GOLPH3L: variants seen among roughly 807,000 people sequenced by gnomAD.
GOLPH3L encodes Golgi phosphoprotein 3-like.
GOLPH3L carries 22 observed loss-of-function variants against 30.3 expected under a neutral mutation model. That is an observed-to-expected ratio of 0.73 (90% CI 0.52 to 1.04). GOLPH3L has a LOEUF of 1.04. GOLPH3L is among the 50% of genes least tolerant of loss of function. The pLI, the probability that GOLPH3L is intolerant of heterozygous loss-of-function variation, is 0.00. For synonymous variants in GOLPH3L, 120 were observed against 128.2 expected (o/e 0.94, Z 0.43); for missense variants, 303 against 345.8 (o/e 0.88, Z 0.98).
chr1:150,660,611 T>C (rs1206356505), intron 4 of GOLPH3L, among the ~76,000 whole-genome samples: 4 of 152,178 alleles, frequency 2.6e-5, no homozygotes, highest in African/African-American at 9.7e-5. Flanking sequence ...TAAACAGGAA[T>C]GAAATTTTGA....
intron 2 of GOLPH3L, among the ~76,000 whole-genome samples, chr1:150,676,546 C>A (rs1405648129): frequency 6.6e-6 from 1 of 151,818 alleles, no homozygotes; most frequent in Non-Finnish European, 1.5e-5. Context: ...CATATTCCAT[C>A]AATTGTTTAG....
At chr1:150,658,878 T>C (rs919342374) in intron 4 of GOLPH3L, among the ~76,000 whole-genome samples, 1 of 152,128 alleles carries the variant, frequency 6.6e-6, no homozygotes, top group Admixed American at 6.5e-5. Flanking sequence ...CTTAATAAGA[T>C]CCAAATTTGG....
intron 2 of GOLPH3L, among the ~76,000 whole-genome samples, chr1:150,678,128 C>T (rs1030032505): frequency 4.0e-5 from 6 of 151,072 alleles, no homozygotes; most frequent in South Asian, 4.2e-4. Context: ...GGAGAAACCC[C>T]GTCTCTACTA....
At chr1:150,684,374 G>T (rs1651035375) in intron 2 of GOLPH3L, among the ~76,000 whole-genome samples, 1 of 152,108 alleles carries the variant, frequency 6.6e-6, no homozygotes, top group Non-Finnish European at 1.5e-5. Flanking sequence ...TAGAGACAGG[G>T]TCTCACTATG....
intron 2 of GOLPH3L, among the ~76,000 whole-genome samples, chr1:150,677,007 C>T (rs1193317933): frequency 6.6e-6 from 1 of 151,058 alleles, no homozygotes; most frequent in Admixed American, 6.6e-5. Context: ...CCTCAGACTC[C>T]CAAAGTGCTG....
At chr1:150,674,185 A>G (rs2101802431) in intron 2 of GOLPH3L, among the ~76,000 whole-genome samples, 1 of 141,112 alleles carries the variant, frequency 7.1e-6, no homozygotes, top group African/African-American at 2.5e-5. Context: ...TTTTGAATAT[A>G]GAAGTTTTCA....
intron 2 of GOLPH3L, 23 bp downstream of exon 2, chr1:150,694,633 C>T (rs756949330): frequency 1.4e-6 from 2 of 1,462,306 alleles, no homozygotes. Context: ...TTTGAGATAG[C>T]CTAGCAAACC....
chr1:150,678,011 G>A (rs1348487842), intron 2 of GOLPH3L, among the ~76,000 whole-genome samples: 1 of 151,548 alleles, frequency 6.6e-6, no homozygotes, highest in Non-Finnish European at 1.5e-5. Context: ...TTTTTAAAGA[G>A]AAATGTGGCT....
chr1:150,670,515 T>C (rs1353486668), intron 2 of GOLPH3L, among the ~76,000 whole-genome samples: 1 of 151,946 alleles, frequency 6.6e-6, no homozygotes, highest in Non-Finnish European at 1.5e-5. Context: ...GAGAATGGCA[T>C]GAACCCAGGA....
At chr1:150,658,465 C>T (rs1331970390) in intron 4 of GOLPH3L, among the ~76,000 whole-genome samples, 2 of 152,172 alleles carry the variant, frequency 1.3e-5, no homozygotes, top group African/African-American at 2.4e-5. Context: ...TGCTTTCTGA[C>T]CTCAGTATTT....
chr1:150,652,173 G>C lies in GOLPH3L; in HGVS notation c.431-3425C>G, dbSNP rs1306886072. On this transcript the variant is annotated intron_variant, in intron 4 of 4. Coordinates refer to ENST00000271732, the MANE Select transcript of GOLPH3L (RefSeq NM_018178.6). ...GAATGAGTAGACTTATTCAAAGTGAGGGTAGAAACTATTAGCCAAGAATCT... is the reference window on the plus strand; with the variant it reads ...GAATGAGTAGACTTATTCAAAGTGACGGTAGAAACTATTAGCCAAGAATCT... Among the ~76,000 whole-genome samples, 5 of 151,918 alleles carry C rather than the reference G, an allele frequency of 3.3e-5. No homozygotes were observed. In the East Asian group the frequency reaches 9.6e-4, roughly 29 times the overall value.
intron 3 of GOLPH3L, among the ~76,000 whole-genome samples, chr1:150,663,005 G>A (rs1650404991): frequency 1.3e-5 from 2 of 151,828 alleles, no homozygotes; most frequent in Admixed American, 6.6e-5. Context: ...TGACCCATAT[G>A]AGTCCCTCTC....
chr1:150,655,149 A>C (rs1650212579), intron 4 of GOLPH3L, among the ~76,000 whole-genome samples: 1 of 152,220 alleles, frequency 6.6e-6, no homozygotes, highest in African/African-American at 2.4e-5. Flanking sequence ...CTGTGAAATA[A>C]CTATTCAGGG....
intron 3 of GOLPH3L, 27 bp from the exon 4 acceptor site, chr1:150,661,955 C>T (rs1481887248): frequency 1.1e-6 from 1 of 946,812 alleles, no homozygotes; most frequent in African/African-American, 1.6e-5. Flanking sequence ...AAGAAGGAAC[C>T]CTGATTCCTT....
chr1:150,658,518 A>C (rs754108463), intron 4 of GOLPH3L, among the ~76,000 whole-genome samples: 2 of 152,236 alleles, frequency 1.3e-5, no homozygotes, highest in Admixed American at 6.5e-5. Flanking sequence ...TACCACCCTC[A>C]GAAACCTATG....
At position 150,663,737 on chromosome 1, in the gene GOLPH3L, G is replaced by C. The variant is rs142661978; in HGVS notation, c.210C>G (p.Cys70Trp). The C allele has an allele frequency of 3.5e-5, 56 of 1,613,164 alleles. No homozygotes were observed. In the African/African-American group the frequency reaches 6.5e-4, roughly 19 times the overall value. ...KEGYTSFWND[C>W]ISSGLRGGIL... ...TGCCCCCTCGCAGGCCTGATGATAT[G>C]CAGTCATTCCAGAAAGATGTGTACC... The change falls in exon 3 of 5, where the codon TGC (cysteine) becomes TGG (tryptophan). Residue 70 changes from cysteine (C) to tryptophan (W), a missense_variant. Physicochemically the swap from Cys to Trp is radical, Grantham distance 215. Transcript: ENST00000271732.
At chr1:150,674,381 C>T (rs1487208182) in intron 2 of GOLPH3L, among the ~76,000 whole-genome samples, 2 of 151,930 alleles carry the variant, frequency 1.3e-5, no homozygotes, top group Non-Finnish European at 1.5e-5. Context: ...CTGCCTCGGC[C>T]TCCCGAGTAG....
Position 150,692,737 on chromosome 1 carries a change from C to A in GOLPH3L, c.183+1919G>T, listed in dbSNP as rs79294219. ...ATCTCACCAATATGTTAAGTACTCA[C>A]CATGGCCATAGCTCTTAATGAGCTG... On this transcript the variant is annotated intron_variant, in intron 2 of 4. Coordinates refer to ENST00000271732, the MANE Select transcript of GOLPH3L (RefSeq NM_018178.6). Among the ~76,000 whole-genome samples, 1,225 of 152,264 alleles carry A rather than the reference C, an allele frequency of 8.0e-3. 9 individuals are homozygous for A. The highest frequency in any genetic ancestry group is 0.011 in the Non-Finnish European group (733 of 68,022).
chr1:150,646,953 G>T lies in GOLPH3L; in HGVS notation c.*1368C>A, dbSNP rs1183517905. On this transcript the variant is annotated 3_prime_UTR_variant, in exon 5 of 5. Transcript: ENST00000271732. ...AAAGCTTCTCATTGCCCTCACTACTGAAGTAAAAAACGTGTTAGAGATTTG... is the reference window on the plus strand; with the variant it reads ...AAAGCTTCTCATTGCCCTCACTACTTAAGTAAAAAACGTGTTAGAGATTTG... 1 of 152,050 alleles carries T rather than the reference G, an allele frequency of 6.6e-6. No individual in the cohort carries two copies. The highest frequency in any genetic ancestry group is 1.9e-4 in the East Asian group (1 of 5,196). The allele number at this position is 152,050 out of a possible 1,614,324, so 9.4% of individuals were successfully genotyped here.
Sources: allele counts gnomAD v4.1 joint callset (sites outside exome capture counted in the v4.1 genomes callset), GRCh38; gene constraint gnomAD v4.1.1; transcripts MANE v1.5; gene names NCBI Gene and HGNC (gene_info 2026-07-23, HGNC 2026-07-21).